Variants in RABGAP1L observed in about 807,000 individuals in gnomAD.
RABGAP1L encodes RAB GTPase activating protein 1 like.
In RABGAP1L, 63 loss-of-function variants were observed where a neutral mutation model predicts 137.7. That is an observed-to-expected ratio of 0.46 (90% CI 0.37 to 0.56). The LOEUF (loss-of-function observed/expected upper bound fraction) is 0.56. RABGAP1L is among the 20% of genes least tolerant of loss of function. The pLI is 0.00. For synonymous variants in RABGAP1L, 431 were observed against 433.7 expected (o/e 0.99, Z 0.08); for missense variants, 1,095 against 1,244.0 (o/e 0.88, Z 1.80).
chr1:174,474,727 C>G (rs891713768), intron 13 of RABGAP1L, among the ~76,000 whole-genome samples: 2 of 152,080 alleles, frequency 1.3e-5, no homozygotes, highest in African/African-American at 2.4e-5. Context: ...CTCAGCCTCC[C>G]GAGTAGCTGG....
chr1:174,337,987 G>A (rs1422119943), intron 11 of RABGAP1L, among the ~76,000 whole-genome samples: 1 of 152,098 alleles, frequency 6.6e-6, no homozygotes, highest in Non-Finnish European at 1.5e-5. Flanking sequence ...TTTGAGTTGC[G>A]TTTGACTCAA....
intron 14 of RABGAP1L, among the ~76,000 whole-genome samples, chr1:174,676,818 A>G (rs1677662047): frequency 6.6e-6 from 1 of 152,110 alleles, no homozygotes; most frequent in Non-Finnish European, 1.5e-5. Context: ...TTTTTATGTT[A>G]CATAAAATAG....
At chr1:174,488,747 C>T (rs1043246590) in intron 13 of RABGAP1L, among the ~76,000 whole-genome samples, 6 of 151,460 alleles carry the variant, frequency 4.0e-5, no homozygotes, top group African/African-American at 7.3e-5. Flanking sequence ...TGTGTATTTT[C>T]AAATAGTTTG....
intron 13 of RABGAP1L, among the ~76,000 whole-genome samples, chr1:174,472,980 AAT>A (rs1032032359): frequency 3.3e-5 from 5 of 152,318 alleles, no homozygotes; most frequent in Admixed American, 3.3e-4. Context: ...GGGAACATTA[AAT>A]ATATGTCACT....
At chr1:174,528,603 A>G (rs1366990370) in intron 13 of RABGAP1L, among the ~76,000 whole-genome samples, 8 of 141,240 alleles carry the variant, frequency 5.7e-5, no homozygotes, top group Middle Eastern at 3.8e-3. Context: ...TTTTTTAATT[A>G]TAGGTGCCGA....
At chr1:174,198,270 G>A (rs1667845545) in intron 1 of RABGAP1L, among the ~76,000 whole-genome samples, 1 of 152,078 alleles carries the variant, frequency 6.6e-6, no homozygotes. Flanking sequence ...TAGTGTATAT[G>A]GTTTAGATCT....
At chr1:174,621,356 T>G (rs1472207670) in intron 13 of RABGAP1L, among the ~76,000 whole-genome samples, 1 of 152,172 alleles carries the variant, frequency 6.6e-6, no homozygotes, top group African/African-American at 2.4e-5. Context: ...AAAACTACTT[T>G]AAAGTTCATA....
At chr1:174,239,038 T>C (rs6690570) in intron 4 of RABGAP1L, 87,521 of 153,378 alleles carry the variant, frequency 0.57, 27,270 homozygotes, top group African/African-American at 0.84. Context: ...TTTCCAGGTG[T>C]GTCCGTCACC....
intron 13 of RABGAP1L, among the ~76,000 whole-genome samples, chr1:174,476,892 G>C (rs1267211589): frequency 4.6e-5 from 7 of 152,178 alleles, no homozygotes; most frequent in Non-Finnish European, 1.5e-5. Context: ...GATGTTCAAG[G>C]TTACAGATCA....
chr1:174,932,252 G>GTT (rs918212609), intron 19 of RABGAP1L, among the ~76,000 whole-genome samples: 1 of 140,108 alleles, frequency 7.1e-6, no homozygotes, highest in Non-Finnish European at 1.6e-5. Flanking sequence ...ATACTTCTTT[G>GTT]TTTTTTTTTT....
At chr1:174,543,836 T>C (rs1332722250) in intron 13 of RABGAP1L, among the ~76,000 whole-genome samples, 3 of 152,216 alleles carry the variant, frequency 2.0e-5, no homozygotes, top group African/African-American at 7.2e-5. Flanking sequence ...AAGGATTTTA[T>C]TTCTCCTTCA....
At chr1:174,946,171 T>C (rs147831690) in intron 19 of RABGAP1L, among the ~76,000 whole-genome samples, 2 of 152,298 alleles carry the variant, frequency 1.3e-5, no homozygotes, top group African/African-American at 4.8e-5. Flanking sequence ...CAGTTATGCA[T>C]TAACAGCACC....
chr1:174,868,411 C>G (rs995501169), intron 19 of RABGAP1L, among the ~76,000 whole-genome samples: 2 of 152,156 alleles, frequency 1.3e-5, no homozygotes, highest in African/African-American at 2.4e-5. Flanking sequence ...ATTTCTCTCC[C>G]CCTTCCCCAT....
chr1:174,977,991 C>T (rs962178167), intron 22 of RABGAP1L, among the ~76,000 whole-genome samples: 3 of 152,134 alleles, frequency 2.0e-5, no homozygotes, highest in East Asian at 1.9e-4. Context: ...TAGTGCAGAA[C>T]GCATCTCTTT....
At position 174,427,144 on chromosome 1, in the gene RABGAP1L, ATGTGTGTGTGTGTGTGTG is replaced by A. The variant is rs57986877; in HGVS notation, c.1710+33022_1710+33039del. On this transcript the variant is annotated intron_variant, in intron 13 of 25. Coordinates refer to ENST00000681986, the MANE Select transcript of RABGAP1L (RefSeq NM_001366446.1). ...GTTTAACATAAACCTCCGCATGTTT[ATGTGTGTGTGTGTGTGTG>A]TGTGTGTGTGTGTGTGTGTGTGAAC... Among the ~76,000 whole-genome samples, 11 of 144,570 alleles carry A rather than the reference ATGTGTGTGTGTGTGTGTG, an allele frequency of 7.6e-5. 1 individual carries two copies. The highest frequency in any genetic ancestry group is 6.2e-4 in the East Asian group (3 of 4,860). 94.8% of individuals were successfully genotyped at this position (144,570 alleles called of 152,430 possible).
At chr1:174,410,594 T>C (rs1325686251) in intron 13 of RABGAP1L, among the ~76,000 whole-genome samples, 1 of 152,116 alleles carries the variant, frequency 6.6e-6, no homozygotes, top group Non-Finnish European at 1.5e-5. Context: ...ATTTTGTTGG[T>C]TTATGTATCT....
At position 174,836,940 on chromosome 1, in the gene RABGAP1L, C is replaced by T. The variant is rs1458054985; in HGVS notation, c.2340+24980C>T. Among the ~76,000 whole-genome samples the T allele has an allele frequency of 3.3e-5, 5 of 152,206 alleles. No individual in the cohort carries two copies. The East Asian group carries it at 9.6e-4, about 29-fold the overall frequency. ...ATATGTTCCAGGCGGGGCGCAGTGG[C>T]TCATGCCTGTAATCCCAGCACTTTG... On this transcript the variant is annotated intron_variant, in intron 19 of 25. Coordinates refer to ENST00000681986, the MANE Select transcript of RABGAP1L (RefSeq NM_001366446.1).
At chr1:174,228,437 T>C (rs1670368236) in intron 3 of RABGAP1L, among the ~76,000 whole-genome samples, 1 of 152,154 alleles carries the variant, frequency 6.6e-6, no homozygotes, top group Non-Finnish European at 1.5e-5. Context: ...CCCAGGCTCA[T>C]CAGTCTTATT....
At chr1:174,384,605 T>G (rs1686584813) in intron 12 of RABGAP1L, among the ~76,000 whole-genome samples, 1 of 152,180 alleles carries the variant, frequency 6.6e-6, no homozygotes, top group African/African-American at 2.4e-5. Flanking sequence ...GAACAGTGCC[T>G]TCATTATACC....
Sources: gnomAD v4.1 joint callset for allele counts (sites outside exome capture counted in the v4.1 genomes callset) on GRCh38, gnomAD v4.1.1 for gene constraint, MANE v1.5 for transcripts, NCBI Gene and HGNC (gene_info 2026-07-23, HGNC 2026-07-21) for gene names.